The following TMC1 variants were observed in gnomAD, a reference collection of about 807,000 sequenced individuals.
TMC1 encodes transmembrane channel like 1, also known as transmembrane channel-like protein 1.
TMC1 carries 84 observed loss-of-function variants against 105.8 expected under a neutral mutation model. The observed-to-expected ratio is 0.79, with a 90% confidence interval of 0.67 to 0.95. TMC1 has a LOEUF of 0.95. Among genes scored for constraint, TMC1 ranks in the 40% least tolerant of loss-of-function variants. The pLI is 0.00. For missense variants in TMC1, 817 were observed against 914.1 expected (o/e 0.89, Z 1.37); for synonymous variants, 315 against 311.5 (o/e 1.01, Z -0.12).
Position 72,643,426 on chromosome 9 carries a change from A to G in TMC1, c.-52-5171A>G, listed in dbSNP as rs942842249. The stretch of plus-strand genomic sequence containing the variant: ...ATATGTATACACAATGAAACCATCA[A>G]CACTTTCAAGGTAATAACATATCTC... On this transcript the variant is annotated intron_variant, in intron 4 of 23. Coordinates refer to ENST00000297784, the MANE Select transcript of TMC1 (RefSeq NM_138691.3). Among the ~76,000 whole-genome samples, 6 of 152,294 alleles carry G rather than the reference A, an allele frequency of 3.9e-5. No homozygotes were observed. The East Asian group carries it at 9.6e-4, about 24-fold the overall frequency.
At chr9:72,749,719 A>AT (rs1445915419) in intron 10 of TMC1, among the ~76,000 whole-genome samples, 2 of 152,072 alleles carry the variant, frequency 1.3e-5, no homozygotes, top group Non-Finnish European at 2.9e-5. Flanking sequence ...AAAATCATTG[A>AT]TTTTTTCCAA....
chr9:72,709,161 C>T (rs1183808859), intron 8 of TMC1, among the ~76,000 whole-genome samples: 1 of 152,092 alleles, frequency 6.6e-6, no homozygotes, highest in Non-Finnish European at 1.5e-5. Context: ...TGTTGTGTCA[C>T]ATTTATTTAC....
intron 5 of TMC1, chr9:72,656,021 T>C (rs1825879377): frequency 1.5e-5 from 11 of 754,290 alleles, no homozygotes; most frequent in South Asian, 1.2e-4. Flanking sequence ...AAAGTCTTAG[T>C]AGGCATTTGA....
At chr9:72,672,634 T>C (rs1296360581) in intron 5 of TMC1, among the ~76,000 whole-genome samples, 1 of 152,034 alleles carries the variant, frequency 6.6e-6, no homozygotes, top group African/African-American at 2.4e-5. Flanking sequence ...TTAGTCAGAT[T>C]TCAGGACCTT....
chr9:72,614,172 T>G (rs144325858), intron 2 of TMC1, among the ~76,000 whole-genome samples: 41 of 152,280 alleles, frequency 2.7e-4, no homozygotes, highest in African/African-American at 8.9e-4. Flanking sequence ...CTCCCCACCT[T>G]CACCCCCACA....
At chr9:72,603,279 CT>C (rs1271275111) in intron 2 of TMC1, among the ~76,000 whole-genome samples, 2 of 152,012 alleles carry the variant, frequency 1.3e-5, no homozygotes, top group Non-Finnish European at 2.9e-5. Flanking sequence ...CACACCAAGG[CT>C]TTTTTATTGC....
chr9:72,649,716 T>C (rs1180035214), intron 5 of TMC1, among the ~76,000 whole-genome samples: 1 of 152,140 alleles, frequency 6.6e-6, no homozygotes, highest in Non-Finnish European at 1.5e-5. Flanking sequence ...TATTAACTCT[T>C]AACAGGGTGG....
chr9:72,696,077 T>C (rs138384181), intron 7 of TMC1, among the ~76,000 whole-genome samples: 26 of 152,318 alleles, frequency 1.7e-4, no homozygotes, highest in African/African-American at 6.3e-4. Flanking sequence ...ATGCATGATA[T>C]AGGTTGTGTT....
chr9:72,755,023 G>A (rs11143388), intron 12 of TMC1, 139 bp downstream of exon 12: 6 of 333,802 alleles, frequency 1.8e-5, no homozygotes, highest in Admixed American at 3.4e-5. Context: ...AAGAAAGAAA[G>A]GAAAGAAAGA....
intron 17 of TMC1, among the ~76,000 whole-genome samples, chr9:72,801,375 C>T (rs985623380): frequency 2.0e-5 from 3 of 152,100 alleles, no homozygotes; most frequent in African/African-American, 4.8e-5. Flanking sequence ...TTATTATTTC[C>T]GTTTTATAGA....
chr9:72,608,432 C>T (rs548080240), intron 2 of TMC1, among the ~76,000 whole-genome samples: 3 of 152,196 alleles, frequency 2.0e-5, no homozygotes, highest in South Asian at 2.1e-4. Flanking sequence ...GCAGTCCAGG[C>T]GTGGTGGCCC....
At chr9:72,806,863 G>T (rs1284401733) in intron 18 of TMC1, among the ~76,000 whole-genome samples, 3 of 152,232 alleles carry the variant, frequency 2.0e-5, no homozygotes, top group Non-Finnish European at 2.9e-5. Flanking sequence ...AGACGGGGTG[G>T]CAGCCGAGCA....
intron 12 of TMC1, among the ~76,000 whole-genome samples, chr9:72,763,183 T>G (rs2118095407): frequency 6.6e-6 from 1 of 151,988 alleles, no homozygotes; most frequent in East Asian, 1.9e-4. Flanking sequence ...GCTTTTCTTT[T>G]GCAAATATTA....
chr9:72,667,941 TG>T (rs1826069792), intron 5 of TMC1, among the ~76,000 whole-genome samples: 1 of 152,240 alleles, frequency 6.6e-6, no homozygotes, highest in Admixed American at 6.5e-5. Flanking sequence ...TTCAGCTGCC[TG>T]GAATGTCTTC....
intron 1 of TMC1, among the ~76,000 whole-genome samples, chr9:72,569,317 C>A (rs6560291): frequency 0.58 from 87,392 of 151,560 alleles, 26,906 homozygotes; most frequent in African/African-American, 0.81. Flanking sequence ...TTTCCAGAAT[C>A]TTTTTAACCT....
At chr9:72,610,678 A>G (rs1023371106) in intron 2 of TMC1, among the ~76,000 whole-genome samples, 2 of 152,216 alleles carry the variant, frequency 1.3e-5, no homozygotes, top group African/African-American at 4.8e-5. Flanking sequence ...ACCCTCACAG[A>G]CACACCTAGA....
intron 2 of TMC1, among the ~76,000 whole-genome samples, chr9:72,602,565 G>A (rs1001355770): frequency 4.6e-5 from 7 of 151,892 alleles, no homozygotes; most frequent in Admixed American, 4.6e-4. Context: ...AGTAGAGATG[G>A]GGTTTCACCA....
intron 5 of TMC1, among the ~76,000 whole-genome samples, chr9:72,682,133 T>C (rs929450643): frequency 2.6e-5 from 4 of 152,186 alleles, no homozygotes; most frequent in East Asian, 1.9e-4. Context: ...AACTATTTAG[T>C]ATCTCCAAGA....
intron 17 of TMC1, among the ~76,000 whole-genome samples, chr9:72,795,391 A>T (rs1828347294): frequency 6.6e-6 from 1 of 152,196 alleles, no homozygotes; most frequent in South Asian, 2.1e-4. Flanking sequence ...AAAGACAGCC[A>T]GAGAGAAAGG....
Sources: gnomAD v4.1 joint callset for allele counts (sites outside exome capture counted in the v4.1 genomes callset) on GRCh38, gnomAD v4.1.1 for gene constraint, MANE v1.5 for transcripts, NCBI Gene and HGNC (gene_info 2026-07-23, HGNC 2026-07-21) for gene names.